The following DYSF variants were observed in gnomAD, a reference collection of about 807,000 sequenced individuals.
DYSF encodes dystrophy-associated fer-1-like 1.
DYSF carries 212 observed loss-of-function variants against 274.9 expected under a neutral mutation model. The observed-to-expected ratio is 0.77, with a 90% CI of 0.69 to 0.86. The LOEUF is 0.86. Ranked by LOEUF, DYSF falls within the 40% of genes least tolerant of loss-of-function variation. DYSF has a pLI of 0.00. For synonymous variants in DYSF, 1,091 were observed against 1,078.7 expected, an observed-to-expected ratio of 1.01 and a Z score of -0.22; for missense variants, 2,666 against 2,783.2, an observed-to-expected ratio of 0.96 and a Z score of 0.95.
Position 71,554,874 on chromosome 2 carries a change from G to A in DYSF, c.2109+943G>A, listed in dbSNP as rs376823669. ...GGCAGAGGTGTAGAGGCTAAGGGAG[G>A]TGAGGAGGCTGGGCGGGAAGCTGAT... On this transcript the variant is annotated intron_variant, in intron 21 of 55. Transcript: ENST00000410020. Among the ~76,000 whole-genome samples the A allele has an allele frequency of 9.7e-4, 147 of 152,306 alleles. 1 individual carries two copies. The highest frequency in any genetic ancestry group is 2.5e-3 in the Admixed American group (39 of 15,298).
At chr2:71,602,745 G>C (rs760275060) in intron 35 of DYSF, 31 bp from the exon 36 acceptor site, 1 of 1,611,298 alleles carries the variant, frequency 6.2e-7, no homozygotes. Flanking sequence ...ACCATCTCCT[G>C]GATGTGCCAC....
chr2:71,622,141 T>TTTGTTTTTG (rs1337698463), intron 41 of DYSF, among the ~76,000 whole-genome samples: 36 of 149,086 alleles, frequency 2.4e-4, no homozygotes, highest in African/African-American at 6.6e-4. Context: ...TTTTTTTTTT[T>TTTGTTTTTG]TTTTTGTTAC....
intron 22 of DYSF, among the ~76,000 whole-genome samples, chr2:71,560,721 G>T (rs2091688008): frequency 6.6e-6 from 1 of 152,238 alleles, no homozygotes; most frequent in Non-Finnish European, 1.5e-5. Flanking sequence ...GCATAGCTCG[G>T]GGAAATTGGC....
chr2:71,607,271 A>G (rs2093664343), intron 36 of DYSF, among the ~76,000 whole-genome samples: 1 of 152,182 alleles, frequency 6.6e-6, no homozygotes, highest in African/African-American at 2.4e-5. Context: ...CCTCAAAGCT[A>G]AAAGAGCATG....
chr2:71,635,665 C>G (rs1484009264), intron 41 of DYSF, among the ~76,000 whole-genome samples: 1 of 144,944 alleles, frequency 6.9e-6, no homozygotes, highest in African/African-American at 2.6e-5. Flanking sequence ...AGGAGAATTG[C>G]TTGAACCTGG....
At chr2:71,620,090 C>T (rs2094058921) in intron 40 of DYSF, among the ~76,000 whole-genome samples, 1 of 152,198 alleles carries the variant, frequency 6.6e-6, no homozygotes, top group African/African-American at 2.4e-5. Context: ...GAGTAACCTG[C>T]TGTAGCTTTG....
At position 71,681,295 on chromosome 2, in the gene DYSF, C is replaced by T. The variant is rs574052081; in HGVS notation, c.6173+185C>T. Among the ~76,000 whole-genome samples, 9 of 152,356 alleles carry T rather than the reference C, an allele frequency of 5.9e-5. No homozygotes were observed. The South Asian group carries it at 1.9e-3, about 32-fold the overall frequency. On this transcript the variant is annotated intron_variant, in intron 54 of 55. Transcript: ENST00000410020. ...GTGATGGGCATCTGTCCAGAGAACA[C>T]TGGGCTCAGCGAATTCAAGATGCAG...
At chr2:71,570,918 G>C in intron 29 of DYSF, 177 bp downstream of exon 29, 1 of 860,120 alleles carries the variant, frequency 1.2e-6, no homozygotes, top group South Asian at 1.8e-5. Flanking sequence ...ATCACACCCA[G>C]CATACACACA....
chr2:71,523,044 G>T (rs1167395260), intron 12 of DYSF, among the ~76,000 whole-genome samples: 1 of 152,164 alleles, frequency 6.6e-6, no homozygotes, highest in East Asian at 1.9e-4. Context: ...CAAATAATAG[G>T]CATTAAGGAG....
intron 46 of DYSF, among the ~76,000 whole-genome samples, chr2:71,664,798 A>C (rs1188679678): frequency 6.6e-6 from 1 of 152,216 alleles, no homozygotes; most frequent in East Asian, 1.9e-4. Flanking sequence ...ATGAGAGGAC[A>C]TGTGTGCTGC....
At chr2:71,517,953 A>G (rs147036920) in intron 10 of DYSF, among the ~76,000 whole-genome samples, 134 of 152,294 alleles carry the variant, frequency 8.8e-4, no homozygotes, top group African/African-American at 3.1e-3. Flanking sequence ...ACCTCTGGGA[A>G]GGCCGTGTGA....
intron 17 of DYSF, among the ~76,000 whole-genome samples, chr2:71,550,539 C>A (rs576027157): frequency 6.6e-6 from 1 of 151,624 alleles, no homozygotes; most frequent in African/African-American, 2.4e-5. Flanking sequence ...GAGATGGTTT[C>A]TCTGGTTACC....
intron 47 of DYSF, among the ~76,000 whole-genome samples, chr2:71,666,992 C>T (rs1240563852): frequency 6.6e-6 from 1 of 152,196 alleles, no homozygotes; most frequent in Admixed American, 6.5e-5. Flanking sequence ...ATACTAACAG[C>T]ACTAAGATGC....
chr2:71,682,741 TC>T, intron 55 of DYSF, 64 bp downstream of exon 55: 1 of 1,564,160 alleles, frequency 6.4e-7, no homozygotes, highest in Non-Finnish European at 8.7e-7. Flanking sequence ...TTCATCATTG[TC>T]CTCAAAGAGC....
chr2:71,552,930 T>C (rs1292022125), intron 19 of DYSF, 81 bp from the exon 20 acceptor site: 2 of 1,487,418 alleles, frequency 1.3e-6, no homozygotes, highest in African/African-American at 1.4e-5. Flanking sequence ...GGCCGGGGCC[T>C]GCCAGACGTA....
At chr2:71,636,931 G>C (rs1168242457) in intron 41 of DYSF, among the ~76,000 whole-genome samples, 1 of 152,166 alleles carries the variant, frequency 6.6e-6, no homozygotes, top group Non-Finnish European at 1.5e-5. Context: ...AGATGCTTCA[G>C]GGACAGAGGA....
intron 39 of DYSF, among the ~76,000 whole-genome samples, 186 bp downstream of exon 39, chr2:71,612,992 C>T (rs114809074): frequency 4.6e-5 from 7 of 152,180 alleles, no homozygotes; most frequent in Non-Finnish European, 1.0e-4. Context: ...GGGTGGGGGG[C>T]ACCAGGAGCA....
At chr2:71,477,828 CAAA>C (rs1482915511) in intron 1 of DYSF, among the ~76,000 whole-genome samples, 1 of 152,286 alleles carries the variant, frequency 6.6e-6, no homozygotes, top group East Asian at 1.9e-4. Flanking sequence ...GATGTAGTAT[CAAA>C]GAAGGATATT....
intron 30 of DYSF, among the ~76,000 whole-genome samples, chr2:71,583,044 A>C (rs1390598959): frequency 2.6e-5 from 1 of 38,222 alleles, no homozygotes; most frequent in Admixed American, 3.4e-4. Flanking sequence ...ACTCCATCTC[A>C]AAAAAAAAAA....
Sources: gnomAD v4.1 joint callset for allele counts (sites outside exome capture counted in the v4.1 genomes callset) on GRCh38, gnomAD v4.1.1 for gene constraint, MANE v1.5 for transcripts, NCBI Gene and HGNC (gene_info 2026-07-23, HGNC 2026-07-21) for gene names.